PTPRD: variants seen among roughly 807,000 people sequenced by gnomAD.
The protein encoded by PTPRD is protein tyrosine phosphatase receptor type D.
Under a neutral mutation model 214.5 loss-of-function variants are expected in PTPRD, and 34 were observed. The observed-to-expected ratio is 0.16, with a 90% CI of 0.12 to 0.21. The LOEUF is 0.21. PTPRD is among the 10% of genes least tolerant of loss of function. The pLI is 1.00. For missense variants in PTPRD, 2,545 were observed against 2,398.7 expected (o/e 1.06, Z -1.27); for synonymous variants, 1,128 against 845.7 (o/e 1.33, Z -5.79).
At chr9:8,461,514 C>G (rs374399909) in intron 32 of PTPRD, among the ~76,000 whole-genome samples, 1 of 152,026 alleles carries the variant, frequency 6.6e-6, no homozygotes, top group Non-Finnish European at 1.5e-5. Flanking sequence ...CTTCCACTTT[C>G]CAATCCAACA....
chr9:8,896,863 T>C (rs1044201274), intron 11 of PTPRD, among the ~76,000 whole-genome samples: 1 of 152,174 alleles, frequency 6.6e-6, no homozygotes, highest in Non-Finnish European at 1.5e-5. Flanking sequence ...AATCCCAAAG[T>C]TGATAATTCC....
intron 2 of PTPRD, among the ~76,000 whole-genome samples, chr9:10,362,565 T>A (rs954838977): frequency 6.6e-6 from 1 of 152,042 alleles, no homozygotes. Context: ...CAGAGCACAA[T>A]CGAGTGATAA....
chr9:8,662,223 C>T (rs1238842277), intron 12 of PTPRD, among the ~76,000 whole-genome samples: 2 of 152,064 alleles, frequency 1.3e-5, no homozygotes, highest in East Asian at 3.9e-4. Context: ...TGAAGAGCAC[C>T]GAGGTTCAAA....
At chr9:9,406,456 A>T (rs2073406888) in intron 8 of PTPRD, among the ~76,000 whole-genome samples, 1 of 151,936 alleles carries the variant, frequency 6.6e-6, no homozygotes, top group South Asian at 2.1e-4. Flanking sequence ...TATTAAGAAA[A>T]GCACCCTCCA....
At chr9:10,195,713 AAAAT>A (rs2099395377) in intron 3 of PTPRD, among the ~76,000 whole-genome samples, 1 of 152,206 alleles carries the variant, frequency 6.6e-6, no homozygotes, top group Non-Finnish European at 1.5e-5. Context: ...ATAAGATAAA[AAAAT>A]AAATAAAGCA....
intron 44 of PTPRD, among the ~76,000 whole-genome samples, chr9:8,324,015 G>T (rs1831036756): frequency 6.6e-6 from 1 of 151,674 alleles, no homozygotes; most frequent in South Asian, 2.1e-4. Flanking sequence ...ACCGCCCATC[G>T]ATTAGTCAGC....
chr9:10,583,342 C>CTT (rs35507449), intron 2 of PTPRD, among the ~76,000 whole-genome samples: 16 of 148,972 alleles, frequency 1.1e-4, no homozygotes, highest in East Asian at 5.9e-4. Flanking sequence ...AGGTAAGAGT[C>CTT]TTTTTTTTTT....
At chr9:9,156,723 T>C (rs1281381042) in intron 10 of PTPRD, among the ~76,000 whole-genome samples, 5 of 148,152 alleles carry the variant, frequency 3.4e-5, no homozygotes, top group Admixed American at 3.4e-4. Flanking sequence ...ACTCTTTCCA[T>C]CTTAGGGTTC....
chr9:8,907,211 A>G (rs572259226), intron 11 of PTPRD, among the ~76,000 whole-genome samples: 17 of 152,260 alleles, frequency 1.1e-4, no homozygotes, highest in African/African-American at 4.1e-4. Flanking sequence ...AAAAAATCCA[A>G]TCCAGAGCTG....
chr9:10,079,498 T>C (rs1255239098), intron 3 of PTPRD, among the ~76,000 whole-genome samples: 1 of 152,118 alleles, frequency 6.6e-6, no homozygotes, highest in Admixed American at 6.6e-5. Context: ...GACCCTTTGT[T>C]TTTCACATGG....
chr9:9,244,986 A>C (rs2131238081), intron 9 of PTPRD, among the ~76,000 whole-genome samples: 1 of 152,344 alleles, frequency 6.6e-6, no homozygotes, highest in Non-Finnish European at 1.5e-5. Flanking sequence ...GGATAAGAAC[A>C]GACACTTCTC....
chr9:9,019,352 G>GAAAGAAAGAAAGAAAT (rs1289712798), intron 10 of PTPRD, among the ~76,000 whole-genome samples: 3 of 132,940 alleles, frequency 2.3e-5, no homozygotes, highest in Non-Finnish European at 5.0e-5. Context: ...AAGAAAGAAA[G>GAAAGAAAGAAAGAAAT]AAAGAAAGAA....
intron 11 of PTPRD, among the ~76,000 whole-genome samples, chr9:8,780,907 C>T (rs2095667269): frequency 6.6e-6 from 1 of 152,212 alleles, no homozygotes; most frequent in Non-Finnish European, 1.5e-5. Context: ...CTTCCTTCTG[C>T]ACATCACAGA....
chr9:8,703,025 T>G (rs1543083), intron 12 of PTPRD, among the ~76,000 whole-genome samples: 97,700 of 152,118 alleles, frequency 0.64, 32,283 homozygotes, highest in African/African-American at 0.81. Context: ...ATAAAGACAA[T>G]TTCCAATTAC....
At chr9:9,620,624 A>C (rs1038600476) in intron 7 of PTPRD, among the ~76,000 whole-genome samples, 2 of 152,170 alleles carry the variant, frequency 1.3e-5, no homozygotes, top group Non-Finnish European at 2.9e-5. Context: ...TTGACCTTTC[A>C]ACATCAATTT....
intron 8 of PTPRD, among the ~76,000 whole-genome samples, chr9:9,530,539 T>G (rs1354259586): frequency 4.6e-5 from 7 of 152,144 alleles, no homozygotes; most frequent in Admixed American, 3.9e-4. Context: ...ATTGCTTCAC[T>G]GCTGAATTGA....
intron 14 of PTPRD, among the ~76,000 whole-genome samples, chr9:8,609,271 C>T (rs1317497430): frequency 6.6e-6 from 1 of 152,144 alleles, no homozygotes; most frequent in Admixed American, 6.6e-5. Flanking sequence ...GTTCACGTGG[C>T]AGCACTGGAC....
intron 37 of PTPRD, among the ~76,000 whole-genome samples, chr9:8,383,860 G>T (rs141937289): frequency 1.3e-5 from 2 of 152,176 alleles, no homozygotes; most frequent in African/African-American, 4.8e-5. Flanking sequence ...GCAAGCTGGT[G>T]AGGTGAAGTA....
At chr9:8,831,645 A>C (rs774094599) in intron 11 of PTPRD, among the ~76,000 whole-genome samples, 4 of 152,176 alleles carry the variant, frequency 2.6e-5, no homozygotes, top group Non-Finnish European at 4.4e-5. Context: ...GTCCTGAATG[A>C]AACATATCAT....
Sources: allele counts gnomAD v4.1 joint callset (sites outside exome capture counted in the v4.1 genomes callset), GRCh38; gene constraint gnomAD v4.1.1; transcripts MANE v1.5; gene names NCBI Gene and HGNC (gene_info 2026-07-23, HGNC 2026-07-21).